The following TRAK1 variants were observed in gnomAD, a reference collection of about 807,000 sequenced individuals.
The protein encoded by TRAK1 is trafficking kinesin-binding protein 1.
TRAK1 carries 33 observed loss-of-function variants against 92.1 expected under a neutral mutation model. That is an observed-to-expected ratio of 0.36 (90% CI 0.27 to 0.48). TRAK1 has a LOEUF of 0.48. Ranked by LOEUF, TRAK1 falls within the 20% of genes least tolerant of loss-of-function variation. The pLI is 0.99. For synonymous variants in TRAK1, 521 were observed against 517.3 expected (o/e 1.01, Z -0.10); for missense variants, 1,123 against 1,257.9 (o/e 0.89, Z 1.62).
At chr3:42,101,161 T>C (rs546315209) in intron 1 of TRAK1, among the ~76,000 whole-genome samples, 1 of 152,326 alleles carries the variant, frequency 6.6e-6, no homozygotes, top group Middle Eastern at 3.4e-3. Flanking sequence ...GGACATGTTC[T>C]CCTCTGGGCA....
upstream of TRAK1, among the ~76,000 whole-genome samples, chr3:42,088,780 G>T (rs1704823677): frequency 1.3e-5 from 2 of 152,108 alleles, no homozygotes; most frequent in South Asian, 4.2e-4. Context: ...CTTGGCTTCT[G>T]GGTCCCCACA....
intron 2 of TRAK1, among the ~76,000 whole-genome samples, chr3:42,161,779 C>A (rs1413283852): frequency 6.6e-6 from 1 of 152,120 alleles, no homozygotes; most frequent in Non-Finnish European, 1.5e-5. Context: ...AATGCTGAGG[C>A]CTGCATTCTG....
At chr3:42,033,458 A>T (rs572823996) in intron 1 of TRAK1, among the ~76,000 whole-genome samples, 1 of 152,246 alleles carries the variant, frequency 6.6e-6, no homozygotes, top group African/African-American at 2.4e-5. Flanking sequence ...GCGTGGTGGC[A>T]CACGCCTGTG....
intron 1 of TRAK1, among the ~76,000 whole-genome samples, chr3:42,026,497 CTCAGTGATCAAAGAGA>C (rs1309793649): frequency 6.7e-6 from 1 of 150,062 alleles, no homozygotes; most frequent in Non-Finnish European, 1.5e-5. Context: ...TATCCTGGAT[CTCAGTGATCAAAGAGA>C]TCAGTGATCT....
chr3:42,208,456 C>T (rs966028857), intron 13 of TRAK1, among the ~76,000 whole-genome samples: 9 of 152,204 alleles, frequency 5.9e-5, no homozygotes, highest in African/African-American at 2.2e-4. Flanking sequence ...GCCTCTCCCT[C>T]ACCCCACCGC....
At chr3:42,120,424 GGGCC>G (rs139585936) in intron 1 of TRAK1, among the ~76,000 whole-genome samples, 11,071 of 151,974 alleles carry the variant, frequency 0.073, 505 homozygotes, top group Non-Finnish European at 0.1. Flanking sequence ...CCTCCATGGT[GGGCC>G]GGCAGTGTCC....
chr3:42,073,627 C>T (rs564224417), intron 1 of TRAK1, among the ~76,000 whole-genome samples: 42 of 152,278 alleles, frequency 2.8e-4, no homozygotes, highest in Admixed American at 2.4e-3. Flanking sequence ...TCCTGTGAGG[C>T]GGATAACGGC....
At chr3:42,157,429 G>T (rs1217137621) in intron 2 of TRAK1, among the ~76,000 whole-genome samples, 1 of 109,280 alleles carries the variant, frequency 9.2e-6, no homozygotes, top group Non-Finnish European at 1.7e-5. Flanking sequence ...CTGCAGTCCA[G>T]CCTGGGCAAC....
intron 13 of TRAK1, among the ~76,000 whole-genome samples, chr3:42,207,117 C>T (rs367681787): frequency 8.5e-5 from 13 of 152,130 alleles, no homozygotes; most frequent in African/African-American, 2.9e-4. Context: ...GTAGAGGTGA[C>T]GTGGCCATAT....
chr3:42,120,842 G>A (rs902019586), intron 1 of TRAK1, among the ~76,000 whole-genome samples: 1 of 151,878 alleles, frequency 6.6e-6, no homozygotes, highest in Admixed American at 6.6e-5. Flanking sequence ...CACCGCGCCC[G>A]GCTACTGCTT....
intron 15 of TRAK1, among the ~76,000 whole-genome samples, chr3:42,222,622 C>T (rs1577079820): frequency 6.6e-6 from 1 of 152,180 alleles, no homozygotes; most frequent in East Asian, 1.9e-4. Context: ...CTTGGGTTGT[C>T]CACTTAACAG....
At chr3:42,031,919 C>A (rs1702160728) in intron 1 of TRAK1, among the ~76,000 whole-genome samples, 1 of 152,070 alleles carries the variant, frequency 6.6e-6, no homozygotes, top group African/African-American at 2.4e-5. Flanking sequence ...TTGCTCACCT[C>A]AACAATCTGA....
At chr3:42,113,743 G>A (rs529415408) in intron 1 of TRAK1, among the ~76,000 whole-genome samples, 41 of 152,124 alleles carry the variant, frequency 2.7e-4, no homozygotes, top group Non-Finnish European at 5.3e-4. Flanking sequence ...TTATAGAGAC[G>A]GGATCTCACT....
intron 1 of TRAK1, among the ~76,000 whole-genome samples, chr3:42,064,578 T>C (rs1461629911): frequency 6.6e-6 from 1 of 152,176 alleles, no homozygotes; most frequent in Non-Finnish European, 1.5e-5. Flanking sequence ...TATGAACTTA[T>C]TATGGAAATA....
chr3:42,111,138 T>C (rs1227723812), intron 1 of TRAK1, among the ~76,000 whole-genome samples: 1 of 152,092 alleles, frequency 6.6e-6, no homozygotes, highest in Non-Finnish European at 1.5e-5. Context: ...GGGAAAAGTG[T>C]TCCAGACAGA....
chr3:42,186,524 G>A (rs532475487), intron 4 of TRAK1, among the ~76,000 whole-genome samples: 2 of 152,298 alleles, frequency 1.3e-5, no homozygotes, highest in African/African-American at 2.4e-5. Flanking sequence ...AAAGTGATTC[G>A]TGCATTCCCT....
At chr3:42,015,391 C>T (rs184495893) in intron 1 of TRAK1, among the ~76,000 whole-genome samples, 1 of 152,044 alleles carries the variant, frequency 6.6e-6, no homozygotes, top group Non-Finnish European at 1.5e-5. Context: ...GCCCCAGGGA[C>T]CAGTTTCCCA....
chr3:42,042,139 C>T (rs7610848), intron 1 of TRAK1, among the ~76,000 whole-genome samples: 17,412 of 151,896 alleles, frequency 0.11, 3,093 homozygotes, highest in African/African-American at 0.37. Flanking sequence ...GTTGGCCAGG[C>T]TGGTCTCAAA....
chr3:42,032,676 A>G (rs1293044225), intron 1 of TRAK1, among the ~76,000 whole-genome samples: 4 of 152,166 alleles, frequency 2.6e-5, no homozygotes, highest in Admixed American at 1.3e-4. Flanking sequence ...TTTTGCTCCC[A>G]GTCTGGCAGC....
Sources: gnomAD v4.1 joint callset for allele counts (sites outside exome capture counted in the v4.1 genomes callset) on GRCh38, gnomAD v4.1.1 for gene constraint, MANE v1.5 for transcripts, NCBI Gene and HGNC (gene_info 2026-07-23, HGNC 2026-07-21) for gene names.